Variants in AGBL1 observed in about 807,000 individuals in gnomAD.
AGBL1 encodes the protein cytosolic carboxypeptidase 4.
In AGBL1, 130 loss-of-function variants were observed where a neutral mutation model predicts 118.9. The ratio of observed to expected loss-of-function variants is 1.09; its 90% confidence interval spans 0.95 to 1.26. The LOEUF is 1.26. Ranked by LOEUF, AGBL1 falls within the 50% of genes most tolerant of loss-of-function variation. AGBL1 has a pLI of 0.00. For missense variants in AGBL1, 1,584 were observed against 1,298.1 expected (o/e 1.22, Z -3.38); for synonymous variants, 555 against 478.9 (o/e 1.16, Z -2.08).
At chr15:86,250,683 G>A (rs956820465) in intron 7 of AGBL1, among the ~76,000 whole-genome samples, 31 of 151,838 alleles carry the variant, frequency 2.0e-4, no homozygotes, top group African/African-American at 6.5e-4. Flanking sequence ...AGGCTGTCCT[G>A]GCTTAGAAAC....
intron 18 of AGBL1, among the ~76,000 whole-genome samples, chr15:86,406,871 C>T (rs1027401745): frequency 1.3e-5 from 2 of 152,028 alleles, no homozygotes; most frequent in African/African-American, 2.4e-5. Context: ...TTAATGTAAA[C>T]AATTCTTCAT....
In AGBL1 at chr15:87,001,549, C is replaced by T. The variant is rs1003007386; in HGVS notation, c.3323+13461C>T. 5.3e-5 allele frequency among the ~76,000 whole-genome samples: 8 copies of T among 152,094 alleles called. No homozygotes were observed. The South Asian group carries it at 8.3e-4, about 16-fold the overall frequency. ...TTCTAGTTCTAGATCCTTGAGGAAT[C>T]GCCACACTGACTTCCACAATGGTTG... On this transcript the variant is annotated intron_variant, in intron 24 of 24. Coordinates refer to the AGBL1 transcript ENST00000441037.
chr15:86,308,860 C>A (rs1466076864), intron 17 of AGBL1, among the ~76,000 whole-genome samples: 1 of 152,122 alleles, frequency 6.6e-6, no homozygotes, highest in African/African-American at 2.4e-5. Context: ...ATTGTGATGT[C>A]TCCAGCTTTG....
intron 22 of AGBL1, among the ~76,000 whole-genome samples, chr15:86,813,543 G>T (rs28438625): frequency 0.014 from 2,181 of 152,212 alleles, 46 homozygotes; most frequent in African/African-American, 0.049. Context: ...CTTCCAAAGA[G>T]GATAGCACTG....
chr15:86,633,841 ATATAATG>A (rs1205128783), intron 21 of AGBL1, among the ~76,000 whole-genome samples: 10 of 44,654 alleles, frequency 2.2e-4, no homozygotes, highest in Non-Finnish European at 3.0e-4. Context: ...ATGTATATAT[ATATAATG>A]TATATATATA....
chr15:86,730,741 G>C (rs138577643), intron 22 of AGBL1, among the ~76,000 whole-genome samples: 35 of 152,276 alleles, frequency 2.3e-4, no homozygotes, highest in African/African-American at 8.2e-4. Flanking sequence ...TTTACAAGTG[G>C]TAAAGAGAAC....
chr15:86,592,772 T>A (rs2084355643), intron 21 of AGBL1, among the ~76,000 whole-genome samples: 1 of 152,234 alleles, frequency 6.6e-6, no homozygotes, highest in African/African-American at 2.4e-5. Flanking sequence ...TTTTCTATCT[T>A]GGGAAACTGC....
At chr15:86,569,239 C>T (rs2083964201) in intron 21 of AGBL1, among the ~76,000 whole-genome samples, 2 of 151,030 alleles carry the variant, frequency 1.3e-5, no homozygotes, top group African/African-American at 4.9e-5. Context: ...TGAGACCAGC[C>T]TGGGCAATAT....
At chr15:86,841,422 A>T (rs2141437692) in intron 22 of AGBL1, among the ~76,000 whole-genome samples, 1 of 152,328 alleles carries the variant, frequency 6.6e-6, no homozygotes, top group Middle Eastern at 3.4e-3. Context: ...AATTGCAGAA[A>T]ATATTTTGCT....
At chr15:86,306,533 T>C (rs1198546479) in intron 17 of AGBL1, among the ~76,000 whole-genome samples, 1 of 152,206 alleles carries the variant, frequency 6.6e-6, no homozygotes, top group Non-Finnish European at 1.5e-5. Flanking sequence ...ATTATGTATA[T>C]GTAACCACGT....
intron 23 of AGBL1, among the ~76,000 whole-genome samples, chr15:86,984,307 C>CAA (rs2081258752): frequency 6.7e-6 from 1 of 150,358 alleles, no homozygotes; most frequent in Non-Finnish European, 1.5e-5. Flanking sequence ...GGAAATGTGT[C>CAA]TATTGACATA....
chr15:86,559,177 C>G lies in AGBL1; in HGVS notation c.2994+4640C>G, dbSNP rs139249044. On this transcript the variant is annotated intron_variant, in intron 21 of 22. Transcript: ENST00000614907. ...GACACCAGACATACTGGAATAAGAGCCCACCTTACTCCAGGATGACCTCAT... is the reference window on the plus strand; with the variant it reads ...GACACCAGACATACTGGAATAAGAGGCCACCTTACTCCAGGATGACCTCAT... Among the ~76,000 whole-genome samples the G allele has an allele frequency of 1.9e-3, 289 of 152,240 alleles. 2 individuals carry two copies. The highest frequency in any genetic ancestry group is 2.9e-3 in the Non-Finnish European group (194 of 68,018).
chr15:86,398,963 C>T (rs942166038), intron 18 of AGBL1, among the ~76,000 whole-genome samples: 1 of 152,136 alleles, frequency 6.6e-6, no homozygotes, highest in African/African-American at 2.4e-5. Flanking sequence ...CAGGTGAGCT[C>T]CTCCCAGCTT....
At chr15:86,953,305 AT>A (rs1432742307) in intron 23 of AGBL1, among the ~76,000 whole-genome samples, 1 of 150,248 alleles carries the variant, frequency 6.7e-6, no homozygotes, top group Admixed American at 6.6e-5. Context: ...AGCAAGGTAT[AT>A]TTTTTCCTTT....
chr15:86,527,935 T>A (rs1384911224), intron 19 of AGBL1, among the ~76,000 whole-genome samples: 1 of 152,198 alleles, frequency 6.6e-6, no homozygotes, highest in Non-Finnish European at 1.5e-5. Flanking sequence ...TAGCCATCCA[T>A]CATCCATTCA....
At chr15:86,773,450 C>G (rs1345742913) in intron 22 of AGBL1, among the ~76,000 whole-genome samples, 5 of 151,224 alleles carry the variant, frequency 3.3e-5, no homozygotes, top group Admixed American at 6.6e-5. Flanking sequence ...GTGCTGCACC[C>G]ATTAACTAGT....
intron 22 of AGBL1, among the ~76,000 whole-genome samples, chr15:86,828,100 C>G (rs1397269743): frequency 1.3e-5 from 2 of 151,292 alleles, no homozygotes; most frequent in African/African-American, 2.4e-5. Context: ...CCACCTTGCC[C>G]AACTAATTCT....
chr15:86,433,264 T>C (rs1220623048), intron 18 of AGBL1, among the ~76,000 whole-genome samples: 1,789 of 119,800 alleles, frequency 0.015, 13 homozygotes, highest in African/African-American at 0.027. Flanking sequence ...CTCCTCCTTC[T>C]TCTTTTTTTT....
chr15:86,336,385 A>T (rs2141872928), intron 17 of AGBL1, among the ~76,000 whole-genome samples: 1 of 152,356 alleles, frequency 6.6e-6, no homozygotes, highest in South Asian at 2.1e-4. Context: ...CGCTGATTCA[A>T]GTAGAGCAGA....
Sources: gnomAD v4.1 joint callset for allele counts (sites outside exome capture counted in the v4.1 genomes callset) on GRCh38, gnomAD v4.1.1 for gene constraint, MANE v1.5 for transcripts, NCBI Gene and HGNC (gene_info 2026-07-23, HGNC 2026-07-21) for gene names.